The following ADD2 variants were observed in gnomAD, a reference collection of about 807,000 sequenced individuals.
The protein encoded by ADD2 is adducin 2, also known as beta-adducin.
ADD2 carries 23 observed loss-of-function variants against 83.0 expected under a neutral mutation model. The ratio of observed to expected loss-of-function variants is 0.28; its 90% CI spans 0.20 to 0.39. The LOEUF is 0.39. Ranked by LOEUF, ADD2 falls within the 10% of genes least tolerant of loss-of-function variation. ADD2 has a pLI of 1.00. For missense variants in ADD2, 758 were observed against 944.9 expected, an observed-to-expected ratio of 0.80 and a Z score of 2.59; for synonymous variants, 375 against 375.4, an observed-to-expected ratio of 1.00 and a Z score of 0.01.
chr2:70,730,421 T>G (rs1024592630), intron 1 of ADD2, among the ~76,000 whole-genome samples: 1 of 152,224 alleles, frequency 6.6e-6, no homozygotes, highest in African/African-American at 2.4e-5. Context: ...CAAGAAGACA[T>G]GGACACACAG....
At chr2:70,756,115 G>T (rs1333271220) in intron 1 of ADD2, among the ~76,000 whole-genome samples, 2 of 151,072 alleles carry the variant, frequency 1.3e-5, no homozygotes, top group African/African-American at 4.9e-5. Context: ...AAAAGAGGCT[G>T]AACACAAGCA....
In ADD2 at chr2:70,669,296, A is replaced by G. The variant is rs531529304; in HGVS notation, c.1870+3582T>C. ...GAGCTTGTGAAAATGCATCTTCTTT[A>G]GTGTTGTCCTCACAATAAACTGAAA... On this transcript the variant is annotated intron_variant, in intron 15 of 15. Coordinates refer to ENST00000264436, the MANE Select transcript of ADD2 (RefSeq NM_001617.4). Among the ~76,000 whole-genome samples the G allele has an allele frequency of 7.9e-5, 12 of 152,216 alleles. No individual in the cohort carries two copies. The South Asian group carries it at 1.9e-3, about 24-fold the overall frequency.
chr2:70,706,611 T>G lies in ADD2; in HGVS notation c.-34-169A>C, dbSNP rs1459160052. Among the ~76,000 whole-genome samples, 1 of 152,148 alleles carries G rather than the reference T, an allele frequency of 6.6e-6. No homozygotes were observed. Among genetic ancestry groups the G allele is most frequent in the African/African-American group, 2.4e-5 (1 of 41,422 alleles). ...GGGCAGGACGCCAGCAGCGGCCCCA[T>G]ATACCCATCTATAGGGGCGCTGCTG... On this transcript the variant is annotated intron_variant, in intron 2 of 15. Coordinates refer to ENST00000264436, the MANE Select transcript of ADD2 (RefSeq NM_001617.4). The surrounding 1 kb of genome is among the most constrained non-coding windows in gnomAD (Gnocchi z 5.0).
chr2:70,733,098 C>T (rs1396293374), intron 1 of ADD2, among the ~76,000 whole-genome samples: 4 of 152,170 alleles, frequency 2.6e-5, no homozygotes, highest in African/African-American at 4.8e-5. Context: ...AAATTAGCCA[C>T]GTTTGAACAA....
At chr2:70,717,109 G>A (rs1044492175) in intron 1 of ADD2, among the ~76,000 whole-genome samples, 2 of 151,960 alleles carry the variant, frequency 1.3e-5, no homozygotes, top group African/African-American at 4.8e-5. Context: ...GAACCCAGGA[G>A]CTCCCTCTAG....
At chr2:70,668,622 A>C (rs1304934321) in intron 15 of ADD2, among the ~76,000 whole-genome samples, 1 of 152,206 alleles carries the variant, frequency 6.6e-6, no homozygotes, top group African/African-American at 2.4e-5. Flanking sequence ...ACGTCTGCCA[A>C]GTGAGGTCAG....
chr2:70,688,619 G>A (rs1407276163), intron 8 of ADD2, among the ~76,000 whole-genome samples: 2 of 152,150 alleles, frequency 1.3e-5, no homozygotes, highest in Non-Finnish European at 2.9e-5. Context: ...AACCCAGGGG[G>A]CGGCTCTCTG....
intron 15 of ADD2, among the ~76,000 whole-genome samples, chr2:70,665,810 G>GTTTTTTT (rs879978891): frequency 2.2e-5 from 3 of 135,786 alleles, no homozygotes; most frequent in African/African-American, 5.9e-5. Context: ...GATCACACTT[G>GTTTTTTT]TTTTTTTGTT....
At chr2:70,687,517 CT>C in intron 9 of ADD2, among the ~76,000 whole-genome samples, 3 of 142,584 alleles carry the variant, frequency 2.1e-5, no homozygotes, top group African/African-American at 9.3e-5. Flanking sequence ...CGTCAACACT[CT>C]GATTGGTCTG....
intron 1 of ADD2, among the ~76,000 whole-genome samples, chr2:70,757,796 T>G (rs1343639899): frequency 3.9e-5 from 6 of 152,166 alleles, no homozygotes; most frequent in Admixed American, 3.9e-4. Flanking sequence ...AAATTCATAC[T>G]CAATAAAATA....
At chr2:70,664,474 G>T (rs1462913727) in intron 15 of ADD2, among the ~76,000 whole-genome samples, 1 of 152,290 alleles carries the variant, frequency 6.6e-6, no homozygotes, top group Middle Eastern at 3.4e-3. Flanking sequence ...ACTCAACCTT[G>T]CTTCCACACA....
In ADD2 at chr2:70,713,178, G is replaced by A. The variant is rs1348853230; in HGVS notation, c.-147C>T. ...CATCTACACAACCTCAAACATCCAG[G>A]TGGAAACTGCAAAACACAAACACGA... On this transcript the variant is annotated 5_prime_UTR_variant, in exon 2 of 16. Coordinates refer to ENST00000264436, the MANE Select transcript of ADD2 (RefSeq NM_001617.4). The A allele has an allele frequency of 3.0e-6, 3 of 985,218 alleles. No homozygotes were observed. The highest frequency in any genetic ancestry group is 3.6e-6 in the Non-Finnish European group (3 of 829,868). The allele number at this position is 985,218 out of a possible 1,614,324, so 61.0% of individuals were successfully genotyped here.
chr2:70,740,813 C>T (rs1553380956), intron 1 of ADD2, among the ~76,000 whole-genome samples: 1 of 152,164 alleles, frequency 6.6e-6, no homozygotes, highest in African/African-American at 2.4e-5. Context: ...GATTCTCCCA[C>T]CCCAACCTCC....
At chr2:70,729,172 T>A (rs191164884) in intron 1 of ADD2, among the ~76,000 whole-genome samples, 24 of 152,284 alleles carry the variant, frequency 1.6e-4, no homozygotes, top group Admixed American at 1.4e-3. Context: ...GCCAGGGCAC[T>A]CCTTCCCTCA....
At chr2:70,743,259 C>T (rs11889266) in intron 1 of ADD2, among the ~76,000 whole-genome samples, 40,454 of 152,062 alleles carry the variant, frequency 0.27, 5,943 homozygotes, top group East Asian at 0.57. Flanking sequence ...CAGTACTGTG[C>T]ATGTGTAATT....
chr2:70,767,177 G>A (rs567372805), intron 1 of ADD2, among the ~76,000 whole-genome samples: 3 of 152,326 alleles, frequency 2.0e-5, no homozygotes, highest in South Asian at 4.1e-4. Context: ...GACCGGGGAT[G>A]GCCTCCGCCC....
intron 1 of ADD2, among the ~76,000 whole-genome samples, chr2:70,745,275 T>C (rs1674129253): frequency 6.6e-6 from 1 of 151,826 alleles, no homozygotes; most frequent in Admixed American, 6.6e-5. Context: ...GACAGAGCGA[T>C]ACTCCGTCTC....
At chr2:70,758,166 T>C (rs989176817) in intron 1 of ADD2, among the ~76,000 whole-genome samples, 2 of 152,202 alleles carry the variant, frequency 1.3e-5, no homozygotes, top group African/African-American at 2.4e-5. Flanking sequence ...TGAGTAAATA[T>C]TGGTAATGCA....
At position 70,689,759 on chromosome 2, in the gene ADD2, C is replaced by A. The variant is rs1670933243; in HGVS notation, c.849+1027G>T. On this transcript the variant is annotated intron_variant, in intron 8 of 15. Transcript: ENST00000264436. ...GCCTCCGTGGCTGTGCCATACTGAG[C>A]TAACCATCCCCAAATATGTGCTGTT... Among the ~76,000 whole-genome samples the A allele has an allele frequency of 2.0e-5, 3 of 152,240 alleles. No individual in the cohort carries two copies. The East Asian group carries it at 5.8e-4, about 29-fold the overall frequency.
Sources: allele counts gnomAD v4.1 joint callset (sites outside exome capture counted in the v4.1 genomes callset), GRCh38; gene constraint gnomAD v4.1.1; non-coding constraint Gnocchi (gnomAD v3.1); transcripts MANE v1.5; gene names NCBI Gene and HGNC (gene_info 2026-07-23, HGNC 2026-07-21).